The following METTL8 variants were observed in gnomAD, a reference collection of about 807,000 sequenced individuals.
The protein encoded by METTL8 is tRNA N(3)-cytidine methyltransferase METTL8, mitochondrial.
In METTL8, 32 loss-of-function variants were observed where a neutral mutation model predicts 48.7. That is an observed-to-expected ratio of 0.66 (90% CI 0.50 to 0.88). METTL8 has a LOEUF of 0.88. Ranked by LOEUF, METTL8 falls within the 40% of genes least tolerant of loss-of-function variation. The pLI, the probability that METTL8 is intolerant of heterozygous loss-of-function variation, is 0.00. For missense variants in METTL8, 464 were observed against 474.4 expected, an observed-to-expected ratio of 0.98 and a Z score of 0.20; for synonymous variants, 136 against 157.1, an observed-to-expected ratio of 0.87 and a Z score of 1.01.
chr2:171,377,567 G>A (rs1687100748), intron 2 of METTL8, among the ~76,000 whole-genome samples: 1 of 152,088 alleles, frequency 6.6e-6, no homozygotes, highest in African/African-American at 2.4e-5. Context: ...GTCAAAAAGT[G>A]AGCAAAGGAC....
At chr2:171,418,581 T>G (rs1390249125) in intron 1 of METTL8, among the ~76,000 whole-genome samples, 1 of 152,220 alleles carries the variant, frequency 6.6e-6, no homozygotes, top group Admixed American at 6.5e-5. Context: ...GGGATACTTA[T>G]GTTATACTTC....
chr2:171,346,343 T>A (rs184726752), intron 3 of METTL8, among the ~76,000 whole-genome samples: 1 of 152,300 alleles, frequency 6.6e-6, no homozygotes, highest in East Asian at 1.9e-4. Flanking sequence ...GCCATATACA[T>A]TTTAATCACA....
intron 2 of METTL8, among the ~76,000 whole-genome samples, chr2:171,364,698 A>T (rs1440266027): frequency 6.6e-6 from 1 of 152,190 alleles, no homozygotes; most frequent in Non-Finnish European, 1.5e-5. Flanking sequence ...ACACACCCCA[A>T]TTATTTAAGT....
intron 3 of METTL8, among the ~76,000 whole-genome samples, chr2:171,355,341 G>A (rs1315725304): frequency 1.3e-5 from 2 of 152,210 alleles, no homozygotes; most frequent in Non-Finnish European, 2.9e-5. Flanking sequence ...CTTCGTCTCA[G>A]AGGGGTACCT....
rs1355006973 is a variant in METTL8 at position 171,316,097 on chromosome 2, A to G, written c.*8075T>C. Among the ~76,000 whole-genome samples the G allele has an allele frequency of 6.6e-6, 1 of 152,258 alleles. No individual in the cohort carries two copies. Among genetic ancestry groups the G allele is most frequent in the African/African-American group, 2.4e-5 (1 of 41,472 alleles). ...TCAGCTTTTGCACATGCTTGGAGGA[A>G]AAACAACACTATTAAAATGTCTTTT... On this transcript the variant is annotated 3_prime_UTR_variant, in exon 10 of 10. Coordinates refer to ENST00000375258, the MANE Select transcript of METTL8 (RefSeq NM_001321154.2).
intron 3 of METTL8, among the ~76,000 whole-genome samples, chr2:171,347,374 C>T (rs758447794): frequency 6.6e-6 from 1 of 152,118 alleles, no homozygotes; most frequent in East Asian, 1.9e-4. Flanking sequence ...TCCTTTACTG[C>T]GGTTTCCAAG....
intron 1 of METTL8, among the ~76,000 whole-genome samples, chr2:171,413,072 G>A (rs1243471679): frequency 1.3e-5 from 2 of 152,158 alleles, no homozygotes; most frequent in Admixed American, 1.3e-4. Context: ...ACCAACATAA[G>A]ATGATACAAA....
At chr2:171,420,176 C>A (rs1691729521) in intron 1 of METTL8, among the ~76,000 whole-genome samples, 1 of 152,116 alleles carries the variant, frequency 6.6e-6, no homozygotes, top group South Asian at 2.1e-4. Flanking sequence ...TGTGGTGAAA[C>A]CCTGTCTCTA....
chr2:171,348,101 AC>A (rs1683480832), intron 3 of METTL8, among the ~76,000 whole-genome samples: 1 of 152,186 alleles, frequency 6.6e-6, no homozygotes, highest in Non-Finnish European at 1.5e-5. Flanking sequence ...GTTGCTTCAA[AC>A]TTTGGCCTCA....
rs1016723924 is a variant in METTL8, at chr2:171,390,521, T to C, written c.143+1522A>G. Among the ~76,000 whole-genome samples, 7 of 152,308 alleles carry C rather than the reference T, an allele frequency of 4.6e-5. No individual in the cohort carries two copies. The East Asian group carries it at 9.6e-4, about 21-fold the overall frequency. ...TGCCATTAAGAACATTTGTGATTCA[T>C]GGGAGGAGGTCAAAATAATAACATC... is the stretch of plus-strand genomic sequence containing the variant. On this transcript the variant is annotated intron_variant, in intron 2 of 9. Coordinates refer to ENST00000375258, the MANE Select transcript of METTL8 (RefSeq NM_001321154.2).
intron 1 of METTL8, among the ~76,000 whole-genome samples, chr2:171,394,443 T>A (rs889045955): frequency 2.0e-5 from 3 of 151,904 alleles, no homozygotes; most frequent in Non-Finnish European, 4.4e-5. Context: ...CAAGAGCCTC[T>A]GTAGACAGAG....
chr2:171,329,182 G>A (rs1366825173), intron 7 of METTL8, among the ~76,000 whole-genome samples: 1 of 151,216 alleles, frequency 6.6e-6, no homozygotes, highest in East Asian at 1.9e-4. Flanking sequence ...GTAGAAACGA[G>A]GTTTCACCAT....
At chr2:171,416,780 T>C (rs1363671239) in intron 1 of METTL8, among the ~76,000 whole-genome samples, 1 of 152,224 alleles carries the variant, frequency 6.6e-6, no homozygotes, top group African/African-American at 2.4e-5. Context: ...GCTCGAGCAC[T>C]TGGTCACATA....
chr2:171,330,416 G>T, intron 7 of METTL8, 143 bp downstream of exon 7: 2 of 676,040 alleles, frequency 3.0e-6, no homozygotes, highest in Non-Finnish European at 4.8e-6. Context: ...AGGAAAAACT[G>T]CCTTTAAAAG....
intron 7 of METTL8, 106 bp downstream of exon 7, chr2:171,330,453 A>C: frequency 9.3e-7 from 1 of 1,078,794 alleles, no homozygotes; most frequent in South Asian, 1.6e-5. Context: ...AATGTTGCTC[A>C]CTAAATAATA....
intron 1 of METTL8, among the ~76,000 whole-genome samples, chr2:171,427,809 C>T (rs1421256574): frequency 6.6e-6 from 1 of 152,184 alleles, no homozygotes; most frequent in Non-Finnish European, 1.5e-5. Flanking sequence ...CTCCTCCCAC[C>T]TGTAGGGACC....
intron 7 of METTL8, chr2:171,326,867 T>A (rs1038923666): frequency 6.6e-6 from 1 of 152,220 alleles, no homozygotes; most frequent in Non-Finnish European, 1.5e-5. Context: ...TATCGATGAA[T>A]AATTCTGCTT....
chr2:171,408,296 GTTT>G (rs373375150), intron 1 of METTL8, among the ~76,000 whole-genome samples: 1 of 127,226 alleles, frequency 7.9e-6, no homozygotes. Flanking sequence ...CAGTTTTTTT[GTTT>G]TTTTTTTTTT....
chr2:171,378,402 G>A (rs1261592872), intron 2 of METTL8, among the ~76,000 whole-genome samples: 1 of 152,186 alleles, frequency 6.6e-6, no homozygotes, highest in Non-Finnish European at 1.5e-5. Context: ...GGGAGGCTGA[G>A]GTGGGTGGAT....
Sources: gnomAD v4.1 joint callset for allele counts (sites outside exome capture counted in the v4.1 genomes callset) on GRCh38, gnomAD v4.1.1 for gene constraint, MANE v1.5 for transcripts, NCBI Gene and HGNC (gene_info 2026-07-23, HGNC 2026-07-21) for gene names.